The following PXDNL variants were observed in gnomAD, a reference collection of about 807,000 sequenced individuals.
PXDNL encodes the protein peroxidasin like, also known as probable oxidoreductase PXDNL.
In PXDNL, 145 loss-of-function variants were observed where a neutral mutation model predicts 150.8. The ratio of observed to expected loss-of-function variants is 0.96; its 90% CI spans 0.84 to 1.10. PXDNL has a LOEUF of 1.10. Ranked by LOEUF, PXDNL falls within the 50% of genes least tolerant of loss-of-function variation. The pLI is 0.00. For synonymous variants in PXDNL, 757 were observed against 725.7 expected (o/e 1.04, Z -0.69); for missense variants, 2,087 against 1,873.9 (o/e 1.11, Z -2.10).
chr8:51,729,341 AG>A (rs1246505383), intron 1 of PXDNL, among the ~76,000 whole-genome samples: 1 of 152,228 alleles, frequency 6.6e-6, no homozygotes, highest in Non-Finnish European at 1.5e-5. Flanking sequence ...AATGGGTAAA[AG>A]CCCCACTAAC....
chr8:51,628,048 A>G (rs892402969), intron 2 of PXDNL, among the ~76,000 whole-genome samples: 2 of 152,184 alleles, frequency 1.3e-5, no homozygotes, highest in African/African-American at 4.8e-5. Context: ...ACAGAGCAGC[A>G]AAAGCCTAGA....
At chr8:51,460,821 G>A (rs189481712) in intron 8 of PXDNL, among the ~76,000 whole-genome samples, 702 of 152,190 alleles carry the variant, frequency 4.6e-3, no homozygotes, top group Admixed American at 7.8e-3. Context: ...TTTTACACAC[G>A]GGGCAACTCC....
chr8:51,508,791 CTTG>C (rs1055149112), intron 4 of PXDNL, among the ~76,000 whole-genome samples: 1 of 152,330 alleles, frequency 6.6e-6, no homozygotes, highest in African/African-American at 2.4e-5. Context: ...ACAACTCAAA[CTTG>C]TTGTGTGCAA....
chr8:51,339,545 A>G, intron 21 of PXDNL, 79 bp downstream of exon 21: 2 of 1,359,964 alleles, frequency 1.5e-6, no homozygotes, highest in Admixed American at 2.1e-5. Context: ...GTAATTGTGG[A>G]GAGTTACTGG....
Position 51,767,268 on chromosome 8 carries a change from CT to C in PXDNL, c.164+41912del, listed in dbSNP as rs569447162. Reference sequence around the variant, plus strand: ...TTTGCCTTTCTCTCTGTCTCTCCCCCTCTTTCTTCTACCCTCCTCCTTTCTC... The same window carrying C: ...TTTGCCTTTCTCTCTGTCTCTCCCCCCTTTCTTCTACCCTCCTCCTTTCTC... On this transcript the variant is annotated intron_variant, in intron 1 of 22. Transcript: ENST00000356297. Among the ~76,000 whole-genome samples, 4 of 151,944 alleles carry C rather than the reference CT, an allele frequency of 2.6e-5. No individual in the cohort carries two copies. In the South Asian group the frequency reaches 8.3e-4, roughly 32 times the overall value.
chr8:51,542,531 A>C (rs937949022), intron 4 of PXDNL, among the ~76,000 whole-genome samples: 1 of 151,368 alleles, frequency 6.6e-6, no homozygotes, highest in Non-Finnish European at 1.5e-5. Flanking sequence ...GAAGTCGACC[A>C]GGTGCTGTGG....
At position 51,678,906 on chromosome 8, in the gene PXDNL, A is replaced by T. The variant is rs555696729; in HGVS notation, c.165-24146T>A. 1.4e-4 allele frequency among the ~76,000 whole-genome samples: 21 copies of T among 152,332 alleles called. 2 individuals carry two copies. Among genetic ancestry groups the T allele is most frequent in the African/African-American group, 5.1e-4 (21 of 41,584 alleles). On this transcript the variant is annotated intron_variant, in intron 1 of 22. Transcript: ENST00000356297. ...TACTTATTTTAACTGGATTGTTTTG[A>T]CTACATAAAACCAAACTCAATCTAT...
chr8:51,628,337 A>C (rs10106672), intron 2 of PXDNL, among the ~76,000 whole-genome samples: 24,962 of 111,362 alleles, frequency 0.22, 4,131 homozygotes, highest in African/African-American at 0.48. Context: ...CTTCTTCTTT[A>C]TTTCTTTCTT....
chr8:51,731,286 C>T (rs1214580293), intron 1 of PXDNL, among the ~76,000 whole-genome samples: 2 of 152,112 alleles, frequency 1.3e-5, no homozygotes, highest in Non-Finnish European at 2.9e-5. Context: ...TGTTACAGAC[C>T]CCATGCAAGT....
chr8:51,702,941 T>C (rs1045271709), intron 1 of PXDNL, among the ~76,000 whole-genome samples: 4 of 152,226 alleles, frequency 2.6e-5, no homozygotes, highest in Non-Finnish European at 5.9e-5. Context: ...ATCTGAAAAC[T>C]TGGGTAGATT....
chr8:51,368,853 G>A (rs1046948364), intron 19 of PXDNL, among the ~76,000 whole-genome samples: 14 of 151,920 alleles, frequency 9.2e-5, no homozygotes, highest in Admixed American at 4.6e-4. Flanking sequence ...AAAATTAGCC[G>A]GGCGCAGTGG....
intron 19 of PXDNL, among the ~76,000 whole-genome samples, chr8:51,356,929 T>C (rs1033325398): frequency 6.6e-5 from 10 of 152,228 alleles, no homozygotes; most frequent in African/African-American, 2.2e-4. Flanking sequence ...TGAATTATTA[T>C]GTTTCTGCTG....
intron 19 of PXDNL, among the ~76,000 whole-genome samples, chr8:51,370,264 C>G (rs1031493463): frequency 2.0e-5 from 3 of 152,118 alleles, no homozygotes; most frequent in African/African-American, 7.2e-5. Flanking sequence ...GGCACGCAGC[C>G]CTGGCCTCTA....
chr8:51,685,143 C>G (rs1815844601), intron 1 of PXDNL, among the ~76,000 whole-genome samples: 1 of 152,232 alleles, frequency 6.6e-6, no homozygotes, highest in Non-Finnish European at 1.5e-5. Flanking sequence ...CTTTTATTCT[C>G]TTCCCTTCCT....
At chr8:51,727,567 G>A (rs1425109519) in intron 1 of PXDNL, among the ~76,000 whole-genome samples, 3 of 152,126 alleles carry the variant, frequency 2.0e-5, no homozygotes, top group African/African-American at 4.8e-5. Flanking sequence ...GAGACCCTTG[G>A]CCTAAGGTTT....
intron 21 of PXDNL, among the ~76,000 whole-genome samples, chr8:51,326,092 T>C (rs1805475652): frequency 6.6e-6 from 1 of 152,198 alleles, no homozygotes; most frequent in African/African-American, 2.4e-5. Flanking sequence ...AGCATCACAT[T>C]GTTCCTGGAG....
At chr8:51,672,872 A>T (rs1308146580) in intron 1 of PXDNL, among the ~76,000 whole-genome samples, 1 of 152,148 alleles carries the variant, frequency 6.6e-6, no homozygotes, top group African/African-American at 2.4e-5. Flanking sequence ...AGACTATAGA[A>T]GAAAATTCAC....
chr8:51,464,124 G>T (rs1238638608), intron 8 of PXDNL, among the ~76,000 whole-genome samples: 2 of 152,110 alleles, frequency 1.3e-5, no homozygotes, highest in Non-Finnish European at 2.9e-5. Flanking sequence ...AGCACTTTGG[G>T]AGGCTGAGGC....
chr8:51,391,098 G>C (rs1227485645), intron 17 of PXDNL, among the ~76,000 whole-genome samples: 4 of 152,212 alleles, frequency 2.6e-5, no homozygotes, highest in African/African-American at 9.7e-5. Context: ...TGGCTGCATA[G>C]TATTCCATGG....
Sources: allele counts gnomAD v4.1 joint callset (sites outside exome capture counted in the v4.1 genomes callset), GRCh38; gene constraint gnomAD v4.1.1; transcripts MANE v1.5; gene names NCBI Gene and HGNC (gene_info 2026-07-23, HGNC 2026-07-21).